Variants in SAFB observed in about 807,000 individuals in gnomAD.
The protein encoded by SAFB is scaffold attachment factor B1.
A neutral mutation model predicts 101.6 loss-of-function variants in SAFB; 15 were observed. That is an observed-to-expected ratio of 0.15 (90% CI 0.10 to 0.23). SAFB has a LOEUF of 0.23. SAFB is among the 10% of genes least tolerant of loss of function. The pLI is 1.00. For missense variants in SAFB, 930 were observed against 1,104.1 expected, an observed-to-expected ratio of 0.84 and a Z score of 2.23; for synonymous variants, 449 against 407.5, an observed-to-expected ratio of 1.10 and a Z score of -1.23.
intron 11 of SAFB, 49 bp downstream of exon 11, chr19:5,653,469 T>C: frequency 6.5e-7 from 1 of 1,548,820 alleles, no homozygotes; most frequent in South Asian, 1.1e-5. Flanking sequence ...TTTTTTGTTG[T>C]TGTTGTTTTG....
chr19:5,641,166 G>A (rs543704536), intron 2 of SAFB, among the ~76,000 whole-genome samples: 1 of 152,104 alleles, frequency 6.6e-6, no homozygotes, highest in Non-Finnish European at 1.5e-5. Context: ...CATCGCATCC[G>A]GCCCTTCTTT....
chr19:5,648,149 T>C (rs1193761288), intron 6 of SAFB, 106 bp downstream of exon 6: 1 of 941,362 alleles, frequency 1.1e-6, no homozygotes, highest in Middle Eastern at 2.2e-4. Flanking sequence ...TACTATAGTA[T>C]ACATTGTTCT....
intron 8 of SAFB, 116 bp downstream of exon 8, chr19:5,650,091 T>C (rs2053904033): frequency 3.8e-6 from 3 of 784,030 alleles, no homozygotes; most frequent in Non-Finnish European, 6.6e-6. Context: ...CCTGAGACGT[T>C]TGTGCAGTCT....
At chr19:5,657,404 C>G in intron 14 of SAFB, 57 bp downstream of exon 14, 2 of 1,203,496 alleles carry the variant, frequency 1.7e-6, no homozygotes, top group East Asian at 4.8e-5. Flanking sequence ...TCATGACTGT[C>G]TTCTGGAAGG....
rs566750849 is a variant in SAFB at position 5,661,816 on chromosome 19, G to T, written c.2153+8G>T. ...GCCCTACGACCTGGACCGGTAAGCA[G>T]ATCCATGCTGCCCTTAGCACGTGGC... On this transcript the variant is annotated splice_region_variant and intron_variant, in intron 15 of 20. Coordinates refer to ENST00000588852, the MANE Select transcript of SAFB (RefSeq NM_001201338.2). 2.0e-6 allele frequency: 3 copies of T among 1,532,766 alleles called. No individual in the cohort carries two copies. The Admixed American group carries it at 5.9e-5, about 30-fold the overall frequency. 94.9% of individuals were successfully genotyped at this position (1,532,766 alleles called of 1,614,324 possible). A position where few individuals can be genotyped will look rare whatever the true frequency, so the allele number is the denominator to read the frequency against.
chr19:5,653,125 C>T lies in SAFB; in HGVS notation c.1304C>T (p.Ala435Val). Residue 435 changes from alanine (A) to valine (V), a missense_variant, in exon 10 of 21, where the codon GCC becomes GTC. Ala to Val is a moderately conservative substitution (Grantham distance 64). Around this residue, in one of 7 missense-constraint regions of SAFB, gnomAD observed 68 missense variants for 122.1 expected, o/e 0.56. Coordinates refer to ENST00000588852, the MANE Select transcript of SAFB (RefSeq NM_001201338.2). Reference sequence around the variant, plus strand: ...CTGCTTTCCTTTGAGGTGGTGGGCGCCAAGGTTGTGACAAATGCCCGGAGT... The same window carrying T: ...CTGCTTTCCTTTGAGGTGGTGGGCGTCAAGGTTGTGACAAATGCCCGGAGT... Reference protein sequence around the residue: ...LFSKYGKVVGAKVVTNARSPG... With the variant: ...LFSKYGKVVGVKVVTNARSPG... 6.2e-7 allele frequency: 1 copy of T among 1,613,662 alleles called. No homozygotes were observed. The highest frequency in any genetic ancestry group is 2.2e-5 in the East Asian group (1 of 44,886).
At chr19:5,637,801 G>T (rs1037344262) in intron 2 of SAFB, among the ~76,000 whole-genome samples, 5 of 152,210 alleles carry the variant, frequency 3.3e-5, no homozygotes, top group Non-Finnish European at 4.4e-5. Context: ...GGAATGCTAG[G>T]AAGCTGTGCT....
At position 5,667,248 on chromosome 19, in the gene SAFB, G is replaced by A. The variant is rs975341447; in HGVS notation, c.2453+84G>A. On this transcript the variant is annotated intron_variant, in intron 18 of 20. Transcript: ENST00000588852. The surrounding 1 kb of genome is among the most constrained non-coding windows in gnomAD (Gnocchi z 4.0). ...AGTCGCTGGGATGTGGGCACAGGGT[G>A]GGAAACACAGAGGGATTCACTCTCC... 4.2e-5 allele frequency: 52 copies of A among 1,252,036 alleles called. No homozygotes were observed. In the African/African-American group the frequency reaches 5.6e-4, roughly 13 times the overall value. 77.6% of individuals were successfully genotyped at this position (1,252,036 alleles called of 1,614,324 possible).
intron 8 of SAFB, among the ~76,000 whole-genome samples, chr19:5,650,440 C>T (rs2053912761): frequency 6.6e-6 from 1 of 152,144 alleles, no homozygotes; most frequent in South Asian, 2.1e-4. Context: ...GAGACAGAGT[C>T]TTGTTCTGTT....
chr19:5,668,277 A>C lies in SAFB; in HGVS notation c.2740A>C (p.Thr914Pro), dbSNP rs1599397203. ...GAGCAGGCCCAGCGATGCCCGCTTCACTCGCCGCTACTGAGTACTTGGAAT... is the reference window on the plus strand; with the variant it reads ...GAGCAGGCCCAGCGATGCCCGCTTCCCTCGCCGCTACTGAGTACTTGGAAT... The part of the protein sequence containing the change: ...RGSRPSDARF[T>P]RRY Residue 914 changes from threonine to proline, a missense_variant, in exon 21 of 21, where the codon ACT becomes CCT. Physicochemically the swap from Thr to Pro is conservative, Grantham distance 38. Around this residue, in one of 7 missense-constraint regions of SAFB, gnomAD observed 318 missense variants for 342.6 expected, o/e 0.93. Coordinates refer to ENST00000588852, the MANE Select transcript of SAFB (RefSeq NM_001201338.2). The C allele has an allele frequency of 6.2e-7, 1 of 1,611,242 alleles. No homozygotes were observed. The highest frequency in any genetic ancestry group is 8.5e-7 in the Non-Finnish European group (1 of 1,179,406).
In SAFB at chr19:5,643,858, C is replaced by CAA. The variant is rs550517968; in HGVS notation, c.547-1465_547-1464dup. On this transcript the variant is annotated intron_variant, in intron 4 of 20. Transcript: ENST00000588852. The stretch of plus-strand genomic sequence containing the variant: ...AGCCTGGGCGGCAGAGTGAGACTCT[C>CAA]AAAAAAAAAAAAAAAGAGTTCAGAG... Among the ~76,000 whole-genome samples, 940 of 114,488 alleles carry CAA rather than the reference C, an allele frequency of 8.2e-3. 6 individuals carry two copies. The highest frequency in any genetic ancestry group is 0.026 in the African/African-American group (793 of 30,002). The allele number at this position is 114,488 out of a possible 152,430, so 75.1% of individuals were successfully genotyped here.
At chr19:5,661,863 C>T in intron 15 of SAFB, 55 bp downstream of exon 15, 5 of 1,237,682 alleles carry the variant, frequency 4.0e-6, no homozygotes, top group East Asian at 2.6e-5. Flanking sequence ...TGTTAGGGAC[C>T]TCACAGTCCA....
intron 2 of SAFB, among the ~76,000 whole-genome samples, chr19:5,631,593 TCTC>T (rs1236574342): frequency 6.6e-6 from 1 of 152,214 alleles, no homozygotes; most frequent in Non-Finnish European, 1.5e-5. Context: ...TAATCTCAGT[TCTC>T]CTCCTATTGC....
At position 5,654,374 on chromosome 19, in the gene SAFB, G is replaced by A. The variant is rs764260751; in HGVS notation, c.1673G>A (p.Arg558Gln). Residue 558 changes from arginine (R) to glutamine (Q), a missense_variant, in exon 13 of 21, where the codon CGA becomes CAA. Coordinates refer to ENST00000588852, the MANE Select transcript of SAFB (RefSeq NM_001201338.2). ...ERSRATKSGS[R>Q]GTERTVVMDK... ...TTCCCCGTCTTTTCTGTAGGAAGTC[G>A]AGGGACCGAACGGACTGTAGTAATG... is the stretch of plus-strand genomic sequence containing the variant. 10 of 1,612,550 alleles carry A rather than the reference G, an allele frequency of 6.2e-6. No homozygotes were observed. Among genetic ancestry groups the A allele is most frequent in the East Asian group, 4.5e-5 (2 of 44,856 alleles).
rs1487907607 is a variant in SAFB at position 5,657,331 on chromosome 19, G to A, written c.1846G>A (p.Asp616Asn). 3 of 1,611,106 alleles carry A rather than the reference G, an allele frequency of 1.9e-6. No homozygotes were observed. The highest frequency in any genetic ancestry group is 1.1e-5 in the South Asian group (1 of 90,972). ...DKVKEPRKSR[D>N]SESHSRVRER... ...GGTCAAGGAGCCTCGGAAGTCAAGA[G>A]ACTCAGAGTCCCATAGGTGAGTAGG... The change falls in exon 14 of 21, where the codon GAC (aspartate) becomes AAC (asparagine). Residue 616 changes from aspartate (D) to asparagine (N), a missense_variant. Transcript: ENST00000588852.
chr19:5,633,029 C>T (rs574186835), intron 2 of SAFB, among the ~76,000 whole-genome samples: 53 of 152,328 alleles, frequency 3.5e-4, no homozygotes, highest in Non-Finnish European at 6.3e-4. Flanking sequence ...TCTTCCTTTT[C>T]ACAGTTACAT....
chr19:5,650,647 G>A (rs1057109007), intron 8 of SAFB, among the ~76,000 whole-genome samples: 26 of 152,126 alleles, frequency 1.7e-4, no homozygotes, highest in African/African-American at 4.6e-4. Flanking sequence ...TCTTGACCTC[G>A]TGATTCGCCC....
chr19:5,646,395 G>T (rs1404310100), intron 5 of SAFB, among the ~76,000 whole-genome samples: 1 of 152,116 alleles, frequency 6.6e-6, no homozygotes, highest in African/African-American at 2.4e-5. Flanking sequence ...AAATTGACAC[G>T]GCCATTCCCG....
intron 2 of SAFB, among the ~76,000 whole-genome samples, chr19:5,636,229 A>G (rs2053592953): frequency 6.6e-6 from 1 of 152,048 alleles, no homozygotes; most frequent in African/African-American, 2.4e-5. Context: ...AGAACACCGT[A>G]TGGAGGGCAG....
Sources: allele counts gnomAD v4.1 joint callset (sites outside exome capture counted in the v4.1 genomes callset), GRCh38; gene constraint gnomAD v4.1.1; regional missense constraint gnomAD v4.1.1; non-coding constraint Gnocchi (gnomAD v3.1); transcripts MANE v1.5; gene names NCBI Gene and HGNC (gene_info 2026-07-23, HGNC 2026-07-21).